Variants in ZNF578 observed in about 807,000 individuals in gnomAD.
ZNF578 encodes the protein Putative chemokine-related protein B42.
A neutral mutation model predicts 8.3 loss-of-function variants in ZNF578; 8 were observed. That is an observed-to-expected ratio of 0.96 (90% CI 0.56 to 1.74). The LOEUF (loss-of-function observed/expected upper bound fraction) is 1.74. ZNF578 is among the 40% of genes most tolerant of loss of function. The probability of loss-of-function intolerance (pLI) is 0.00; values close to 1 mark genes in which losing one functional copy is unlikely to be tolerated. For missense variants in ZNF578, 726 were observed against 707.5 expected, an observed-to-expected ratio of 1.03 and a Z score of -0.30; for synonymous variants, 206 against 232.2, an observed-to-expected ratio of 0.89 and a Z score of 1.03.
At position 52,510,926 on chromosome 19, in the gene ZNF578, A is replaced by T; in HGVS notation, c.545A>T (p.Lys182Met). The T allele has an allele frequency of 1.2e-6, 2 of 1,614,224 alleles. No homozygotes were observed. The highest frequency in any genetic ancestry group is 2.2e-5 in the South Asian group (2 of 91,088). Residue 182 changes from lysine (K) to methionine (M), a missense_variant, in exon 6 of 6, where the codon AAG becomes ATG. Physicochemically the swap from Lys to Met is moderately conservative, Grantham distance 95. Transcript: ENST00000421239. ...GAGAAAATTGCTAATCAAGTGGAGA[A>T]GTCTGTCAACGATGCTTCCTCAATT... ...PEEKIANQVEKSVNDASSIST... is the reference protein window; with the variant it reads ...PEEKIANQVEMSVNDASSIST...
At chr19:52,483,371 CGCCATT>C (rs999318057) in intron 2 of ZNF578, among the ~76,000 whole-genome samples, 15 of 152,136 alleles carry the variant, frequency 9.9e-5, no homozygotes, top group African/African-American at 3.6e-4. Flanking sequence ...GCCAAGATCA[CGCCATT>C]GCACTCCAGC....
chr19:52,474,071 G>A lies in ZNF578; in HGVS notation c.-122+17113G>A. 3 of 400,492 alleles carry A rather than the reference G, an allele frequency of 7.5e-6. No homozygotes were observed. The Middle Eastern group carries it at 1.1e-3, about 149-fold the overall frequency. The allele number at this position is 400,492 out of a possible 1,614,324, so 24.8% of individuals were successfully genotyped here. The stretch of plus-strand genomic sequence containing the variant: ...CTTGCCACATTCATTACATTTGTAA[G>A]GCCTCTCTCCAGTATGAATTCTCTG... On this transcript the variant is annotated intron_variant, in intron 2 of 5. Transcript: ENST00000421239.
At chr19:52,484,007 T>C (rs938171255) in intron 2 of ZNF578, among the ~76,000 whole-genome samples, 4 of 152,146 alleles carry the variant, frequency 2.6e-5, no homozygotes, top group Admixed American at 1.3e-4. Context: ...GGCTCCAGTC[T>C]CTGAGTCCCC....
chr19:52,478,388 G>A (rs1447986060), intron 2 of ZNF578, among the ~76,000 whole-genome samples: 1 of 152,182 alleles, frequency 6.6e-6, no homozygotes, highest in Non-Finnish European at 1.5e-5. Flanking sequence ...GGTCCTAAGA[G>A]CTCTCCAGCT....
At chr19:52,483,222 C>A (rs542248179) in intron 2 of ZNF578, among the ~76,000 whole-genome samples, 6 of 152,174 alleles carry the variant, frequency 3.9e-5, no homozygotes, top group Middle Eastern at 6.8e-3. Flanking sequence ...TCGAGACCAG[C>A]CTGACCAACA....
At position 52,513,337 on chromosome 19, in the gene ZNF578, CTTTTTT is replaced by C. The variant is rs11318311; in HGVS notation, c.*1202_*1207del. ...GCGCCTGGCATTGTTTCTTCTTTTC[CTTTTTT>C]TTTTTTTTTTTTTTTTTTGAGATAG... is the stretch of plus-strand genomic sequence containing the variant. On this transcript the variant is annotated 3_prime_UTR_variant, in exon 6 of 6. Transcript: ENST00000421239. Among the ~76,000 whole-genome samples, 25 of 101,362 alleles carry C rather than the reference CTTTTTT, an allele frequency of 2.5e-4. No homozygotes were observed. Among genetic ancestry groups the C allele is most frequent in the African/African-American group, 6.7e-4 (20 of 29,754 alleles). The allele number at this position is 101,362 out of a possible 152,430, so 66.5% of individuals were successfully genotyped here.
rs1266252004 is a variant in ZNF578 at position 52,512,807 on chromosome 19, G to A, written c.*653G>A. On this transcript the variant is annotated 3_prime_UTR_variant, in exon 6 of 6. Coordinates refer to ENST00000421239, the MANE Select transcript of ZNF578 (RefSeq NM_001099694.2). ...AAACCATCAAGCATTAATTGACATT[G>A]GAGTCAATTCAGCATTGACTTGAGT... Among the ~76,000 whole-genome samples the A allele has an allele frequency of 1.3e-5, 2 of 152,154 alleles. No individual in the cohort carries two copies. The highest frequency in any genetic ancestry group is 4.8e-5 in the African/African-American group (2 of 41,428).
chr19:52,459,767 ATATTT>A (rs2059251562), intron 2 of ZNF578, among the ~76,000 whole-genome samples: 7 of 6,018 alleles, frequency 1.2e-3, no homozygotes, highest in Admixed American at 7.5e-3. Flanking sequence ...ATATATATAT[ATATTT>A]TTTTTTTTTT....
chr19:52,495,915 G>C (rs1375580981), intron 3 of ZNF578, among the ~76,000 whole-genome samples: 1 of 152,088 alleles, frequency 6.6e-6, no homozygotes, highest in African/African-American at 2.4e-5. Flanking sequence ...GACTGACTCT[G>C]TTACTATATG....
intron 4 of ZNF578, 39 bp from the exon 5 acceptor site, chr19:52,504,616 C>A (rs766182860): frequency 1.2e-6 from 2 of 1,613,058 alleles, no homozygotes; most frequent in Non-Finnish European, 8.5e-7. Flanking sequence ...ATAACTCAAT[C>A]CTCCATAATG....
rs1475592450 is a variant in ZNF578, at chr19:52,500,406, T to TC, written c.-19-1419dup. Among the ~76,000 whole-genome samples, 3 of 124,712 alleles carry TC rather than the reference T, an allele frequency of 2.4e-5. No homozygotes were observed. In the East Asian group the frequency reaches 7.2e-4, roughly 30 times the overall value. 81.8% of individuals were successfully genotyped at this position (124,712 alleles called of 152,430 possible). On this transcript the variant is annotated intron_variant, in intron 3 of 5. Transcript: ENST00000421239. Reference sequence around the variant, plus strand: ...ACAAATGGTTGCAATCTTTTGAGTTTCCTTTTTTTTTTTTTTTTGAGATGA... The same window carrying TC: ...ACAAATGGTTGCAATCTTTTGAGTTTCCCTTTTTTTTTTTTTTTTGAGATGA...
intron 2 of ZNF578, among the ~76,000 whole-genome samples, chr19:52,466,640 T>C (rs1273879271): frequency 1.3e-5 from 2 of 152,220 alleles, no homozygotes; most frequent in Non-Finnish European, 2.9e-5. Context: ...AATGGCGATT[T>C]TTAAGAAGTT....
rs1453514866 is a variant in ZNF578, at chr19:52,511,948, C to G, written c.1567C>G (p.Gln523Glu). Residue 523 changes from glutamine (Q) to glutamate (E), a missense_variant, in exon 6 of 6, where the codon CAG (glutamine) becomes GAG (glutamate). Gln to Glu is a conservative substitution (Grantham distance 29, BLOSUM62 2). Coordinates refer to ENST00000421239, the MANE Select transcript of ZNF578 (RefSeq NM_001099694.2). ...CNECGKTFNVQSHLSRHHRLH... is the reference protein window; with the variant it reads ...CNECGKTFNVESHLSRHHRLH... ...TGAATGTGGGAAGACTTTTAATGTA[C>G]AGTCACACCTTTCACGTCATCATAG... is the stretch of plus-strand genomic sequence containing the variant. 1 of 1,613,756 alleles carries G rather than the reference C, an allele frequency of 6.2e-7. No individual in the cohort carries two copies. Among genetic ancestry groups the G allele is most frequent in the South Asian group, 1.1e-5 (1 of 91,084 alleles).
chr19:52,512,197 C>CA lies in ZNF578; in HGVS notation c.*46dup. The CA allele has an allele frequency of 6.2e-7, 1 of 1,610,240 alleles. No individual in the cohort carries two copies. The highest frequency in any genetic ancestry group is 1.1e-5 in the South Asian group (1 of 90,698). ...AACCTTACAAATGTGAAGCATGTGA[C>CA]AAAGTTTTCAGTCACAGATCACGCC... On this transcript the variant is annotated 3_prime_UTR_variant, in exon 6 of 6. Coordinates refer to ENST00000421239, the MANE Select transcript of ZNF578 (RefSeq NM_001099694.2).
intron 3 of ZNF578, among the ~76,000 whole-genome samples, chr19:52,493,873 C>T (rs752077042): frequency 3.3e-5 from 5 of 151,906 alleles, no homozygotes; most frequent in South Asian, 2.1e-4. Context: ...GCCTGTAACG[C>T]CAGCTATTAG....
At chr19:52,495,351 G>A (rs947597955) in intron 3 of ZNF578, among the ~76,000 whole-genome samples, 1 of 146,192 alleles carries the variant, frequency 6.8e-6, no homozygotes, top group Non-Finnish European at 1.5e-5. Context: ...TTAGGAGGCC[G>A]AGGCAGGAGA....
At chr19:52,456,055 T>G (rs2059238766) in intron 1 of ZNF578, 1 of 152,242 alleles carries the variant, frequency 6.6e-6, no homozygotes, top group African/African-American at 2.4e-5. Flanking sequence ...GCTGTCCCTC[T>G]GCCTAGGACT....
At chr19:52,482,001 GGTATTACAGGGAT>G (rs1164803586) in intron 2 of ZNF578, among the ~76,000 whole-genome samples, 1 of 151,892 alleles carries the variant, frequency 6.6e-6, no homozygotes, top group Non-Finnish European at 1.5e-5. Flanking sequence ...CAAAATTACT[GGTATTACAGGGAT>G]GAGCCACCAC....
chr19:52,466,578 A>G (rs1433565093), intron 2 of ZNF578, among the ~76,000 whole-genome samples: 1 of 152,190 alleles, frequency 6.6e-6, no homozygotes, highest in Non-Finnish European at 1.5e-5. Context: ...AATGTTGATG[A>G]ACAGTTGATA....
Sources: gnomAD v4.1 joint callset for allele counts (sites outside exome capture counted in the v4.1 genomes callset) on GRCh38, gnomAD v4.1.1 for gene constraint, MANE v1.5 for transcripts, NCBI Gene and HGNC (gene_info 2026-07-23, HGNC 2026-07-21) for gene names.